E4F1: variants seen among roughly 807,000 people sequenced by gnomAD.
The protein encoded by E4F1 is transcription factor E4F1.
E4F1 carries 30 observed loss-of-function variants against 72.9 expected under a neutral mutation model. That is an observed-to-expected ratio of 0.41 (90% CI 0.31 to 0.56). The LOEUF (loss-of-function observed/expected upper bound fraction) is 0.56. Among genes scored for constraint, E4F1 ranks in the 20% least tolerant of loss-of-function variants. The pLI is 0.25. For synonymous variants in E4F1, 542 were observed against 478.2 expected (o/e 1.13, Z -1.74); for missense variants, 1,091 against 1,117.5 (o/e 0.98, Z 0.34).
chr16:2,227,507 G>T (rs919395893), intron 1 of E4F1, among the ~76,000 whole-genome samples: 3 of 152,142 alleles, frequency 2.0e-5, no homozygotes, highest in Non-Finnish European at 4.4e-5. Flanking sequence ...GAGTAGCTGG[G>T]ACTATAGGCA....
At position 2,235,466 on chromosome 16, in the gene E4F1, CTG is replaced by C. The variant is rs762224938; in HGVS notation, c.2252_2253del (p.Val751AspfsTer36). 1 of 1,612,602 alleles carries C rather than the reference CTG, an allele frequency of 6.2e-7. No homozygotes were observed. The highest frequency in any genetic ancestry group is 8.5e-7 in the Non-Finnish European group (1 of 1,179,802). The stretch of plus-strand genomic sequence containing the variant: ...GGGACAAGTGGCACTGAACAGGCCA[CTG>C]TGACCATGGTGTCATCAGAGGACAT... On this transcript the variant is annotated frameshift_variant, in exon 14 of 14. Coordinates refer to ENST00000301727, the MANE Select transcript of E4F1 (RefSeq NM_004424.5). LOFTEE classifies it high-confidence loss of function.
rs767227504 is a variant in E4F1, at chr16:2,233,561, C to T, written c.1180C>T (p.Pro394Ser). Residue 394 changes from proline to serine, a missense_variant, in exon 8 of 14, where the codon CCA (proline) becomes TCA (serine). This residue lies in a region of E4F1 where 622 missense variants were observed against 628.0 expected (regional missense o/e 0.99). Coordinates refer to ENST00000301727, the MANE Select transcript of E4F1 (RefSeq NM_004424.5). ...RAAGEEGALEPAPAAGSSPQP... is the reference protein window; with the variant it reads ...RAAGEEGALESAPAAGSSPQP... ...TGCTGGGGAGGAGGGTGCCCTGGAGCCAGCTCCTGCTGCCGGGTCCAGTCC... is the reference window on the plus strand; with the variant it reads ...TGCTGGGGAGGAGGGTGCCCTGGAGTCAGCTCCTGCTGCCGGGTCCAGTCC... 3 of 1,510,170 alleles carry T rather than the reference C, an allele frequency of 2.0e-6. No homozygotes were observed. The highest frequency in any genetic ancestry group is 1.4e-5 in the African/African-American group (1 of 72,518). The allele number at this position is 1,510,170 out of a possible 1,614,324, so 93.5% of individuals were successfully genotyped here.
intron 1 of E4F1, among the ~76,000 whole-genome samples, chr16:2,224,549 GGAGGTCGAGACGGGCGGGTCAC>G (rs1283319518): frequency 6.6e-6 from 1 of 152,188 alleles, no homozygotes; most frequent in African/African-American, 2.4e-5. Context: ...CAGCACTTTG[GGAGGTCGAGACGGGCGGGTCAC>G]GAGGTCAGGA....
At position 2,232,501 on chromosome 16, in the gene E4F1, GACC is replaced by G. The variant is rs2093473712; in HGVS notation, c.658_660del (p.His220del). 1 of 1,611,816 alleles carries G rather than the reference GACC, an allele frequency of 6.2e-7. No homozygotes were observed. Among genetic ancestry groups the G allele is most frequent in the Non-Finnish European group, 8.5e-7 (1 of 1,179,496 alleles). ...CATGGTCACTCACAGCAGCCGCAAG[GACC>G]ACGAGTGCAAGCTCTGTGGGGCCTC... On this transcript the variant is annotated inframe_deletion, in exon 5 of 14. Coordinates refer to ENST00000301727, the MANE Select transcript of E4F1 (RefSeq NM_004424.5).
chr16:2,223,596 C>T lies in E4F1; in HGVS notation c.-18C>T, dbSNP rs1418513196. 1.9e-6 allele frequency: 3 copies of T among 1,583,136 alleles called. No homozygotes were observed. In the South Asian group the frequency reaches 3.4e-5, roughly 18 times the overall value. On this transcript the variant is annotated 5_prime_UTR_variant, in exon 1 of 14. Transcript: ENST00000301727. ...GACATGGTCGTAAATCCGCCATCTTCCTGCGGCGCGTTGCGACATGGAGGG... is the reference window on the plus strand; with the variant it reads ...GACATGGTCGTAAATCCGCCATCTTTCTGCGGCGCGTTGCGACATGGAGGG...
chr16:2,223,861 C>G (rs1428678575), intron 1 of E4F1, 91 bp downstream of exon 1: 22 of 1,531,180 alleles, frequency 1.4e-5, no homozygotes, highest in Non-Finnish European at 1.9e-5. Context: ...GCGGGCTCGA[C>G]CGACCCTCCC....
In E4F1 at chr16:2,234,339, A is replaced by G. The variant is rs888829846; in HGVS notation, c.1544A>G (p.Asp515Gly). 1 of 1,612,866 alleles carries G rather than the reference A, an allele frequency of 6.2e-7. No individual in the cohort carries two copies. Among genetic ancestry groups the G allele is most frequent in the East Asian group, 2.2e-5 (1 of 44,898 alleles). Residue 515 changes from aspartate (D) to glycine (G), a missense_variant, in exon 10 of 14, where the codon GAC (aspartate) becomes GGC (glycine). By Grantham distance (94) the Asp-to-Gly change is moderately conservative. This residue lies in a region of E4F1 where 622 missense variants were observed against 628.0 expected (regional missense o/e 0.99). Coordinates refer to ENST00000301727, the MANE Select transcript of E4F1 (RefSeq NM_004424.5). ...HVRGHRRVHSDERPYPCPKCG... is the reference protein window; with the variant it reads ...HVRGHRRVHSGERPYPCPKCG... ...CGTGGCCACCGGCGCGTCCACTCAG[A>G]CGAGCGGCCCTACCCTTGTCCCAAG... is the stretch of plus-strand genomic sequence containing the variant.
At position 2,233,607 on chromosome 16, in the gene E4F1, C is replaced by A; in HGVS notation, c.1226C>A (p.Ala409Asp). 1 of 1,509,710 alleles carries A rather than the reference C, an allele frequency of 6.6e-7. No homozygotes were observed. The allele number at this position is 1,509,710 out of a possible 1,614,324, so 93.5% of individuals were successfully genotyped here. A position where few individuals can be genotyped will look rare whatever the true frequency, so the allele number is the denominator to read the frequency against. Residue 409 changes from alanine to aspartate, a missense_variant, in exon 8 of 14, where the codon GCC (alanine) becomes GAC (aspartate). Coordinates refer to ENST00000301727, the MANE Select transcript of E4F1 (RefSeq NM_004424.5). Reference protein sequence around the residue: ...GSSPQPLAVAAPQLPVLEVQP... With the variant: ...GSSPQPLAVADPQLPVLEVQP... The stretch of plus-strand genomic sequence containing the variant: ...AGTCCCCAGCCCCTGGCAGTGGCAG[C>A]CCCGCAGCTGCCGGTACTGGAAGTG...
chr16:2,232,069 G>A, intron 3 of E4F1, 102 bp from the exon 4 acceptor site: 6 of 1,470,146 alleles, frequency 4.1e-6, no homozygotes, highest in Non-Finnish European at 5.5e-6. Flanking sequence ...TTGGGTCCAG[G>A]GTGTGGCTCA....
chr16:2,227,716 G>A (rs1281987946), intron 1 of E4F1, among the ~76,000 whole-genome samples: 2 of 151,870 alleles, frequency 1.3e-5, no homozygotes, highest in Non-Finnish European at 2.9e-5. Flanking sequence ...GGTCAGGCTG[G>A]TCTCGAACTC....
Position 2,234,622 on chromosome 16 carries a change from A to C in E4F1, c.1633A>C (p.Lys545Gln). ...GCACTTCAGGACACACCTGGAGGAG[A>C]AGCCGCACGTGTGCCAGTTCTGCAG... Reference protein sequence around the residue: ...QVHFRTHLEEKPHVCQFCSRG... With the variant: ...QVHFRTHLEEQPHVCQFCSRG... Residue 545 changes from lysine (K) to glutamine (Q), a missense_variant, in exon 11 of 14, where the codon AAG (lysine) becomes CAG (glutamine). Transcript: ENST00000301727. 6.2e-7 allele frequency: 1 copy of C among 1,601,038 alleles called. No individual in the cohort carries two copies. Among genetic ancestry groups the C allele is most frequent in the Non-Finnish European group, 8.5e-7 (1 of 1,174,364 alleles).
At position 2,235,464 on chromosome 16, in the gene E4F1, C is replaced by T. The variant is rs2093502470; in HGVS notation, c.2247C>T (p.Ala749=). 2 of 1,612,466 alleles carry T rather than the reference C, an allele frequency of 1.2e-6. No homozygotes were observed. Among genetic ancestry groups the T allele is most frequent in the Non-Finnish European group, 1.7e-6 (2 of 1,179,808 alleles). Residue 749 remains alanine, a synonymous_variant, in exon 14 of 14, where the codon GCC becomes GCT. Transcript: ENST00000301727. ...CAGGGACAAGTGGCACTGAACAGGCCACTGTGACCATGGTGTCATCAGAGG... is the reference window on the plus strand; with the variant it reads ...CAGGGACAAGTGGCACTGAACAGGCTACTGTGACCATGGTGTCATCAGAGG... ...ARAGTSGTEQ[A]TVTMVSSEDI...
At position 2,228,539 on chromosome 16, in the gene E4F1, C is replaced by T. The variant is rs1438177791; in HGVS notation, c.309+16C>T. Reference sequence around the variant, plus strand: ...GGGCCAGGAGGTGAGCCCTCACCCACTCCCCCATCCCCTCCCGGGTTCACC... The same window carrying T: ...GGGCCAGGAGGTGAGCCCTCACCCATTCCCCCATCCCCTCCCGGGTTCACC... On this transcript the variant is annotated intron_variant, in intron 2 of 13. Transcript: ENST00000301727. 3 of 1,607,982 alleles carry T rather than the reference C, an allele frequency of 1.9e-6. No individual in the cohort carries two copies. The highest frequency in any genetic ancestry group is 2.2e-5 in the South Asian group (2 of 90,900).
chr16:2,235,474 A>G lies in E4F1; in HGVS notation c.2257A>G (p.Met753Val), dbSNP rs2141480255. The change falls in exon 14 of 14, where the codon ATG (methionine) becomes GTG (valine). Residue 753 changes from methionine to valine, a missense_variant. Met to Val is a conservative substitution (Grantham distance 21, BLOSUM62 1). Transcript: ENST00000301727. The part of the protein sequence containing the change: ...TSGTEQATVT[M>V]VSSEDIEILE... ...TGGCACTGAACAGGCCACTGTGACC[A>G]TGGTGTCATCAGAGGACATCGAGAT... The G allele has an allele frequency of 1.2e-6, 2 of 1,612,458 alleles. No homozygotes were observed. The highest frequency in any genetic ancestry group is 1.7e-6 in the Non-Finnish European group (2 of 1,179,730).
In E4F1 at chr16:2,233,461, C is replaced by T; in HGVS notation, c.1080C>T (p.Pro360=). The change falls in exon 8 of 14, where the codon CCC becomes CCT. Residue 360 remains proline (P), a synonymous_variant. Coordinates refer to ENST00000301727, the MANE Select transcript of E4F1 (RefSeq NM_004424.5). ...APEPPVSQEL[P]CSSEGSRENL... ...AGCCCCCCGTCTCCCAGGAGCTCCCCTGCTCCAGCGAGGGCAGCCGTGAGA... is the reference window on the plus strand; with the variant it reads ...AGCCCCCCGTCTCCCAGGAGCTCCCTTGCTCCAGCGAGGGCAGCCGTGAGA... 6.6e-7 allele frequency: 1 copy of T among 1,507,322 alleles called. No homozygotes were observed. The highest frequency in any genetic ancestry group is 1.8e-4 in the Middle Eastern group (1 of 5,534). The allele number at this position is 1,507,322 out of a possible 1,614,324, so 93.4% of individuals were successfully genotyped here. A position where few individuals can be genotyped will look rare whatever the true frequency, so the allele number is the denominator to read the frequency against.
chr16:2,235,331 C>T lies in E4F1; in HGVS notation c.2114C>T (p.Ala705Val), dbSNP rs201928284. The T allele has an allele frequency of 2.9e-5, 46 of 1,609,164 alleles. No homozygotes were observed. Among genetic ancestry groups the T allele is most frequent in the Non-Finnish European group, 3.7e-5 (44 of 1,179,676 alleles). ...GAGGAGACGGCGCTGGGCCCAGAGGCGGCTGCCGCCGACACCATCACCATC... is the reference window on the plus strand; with the variant it reads ...GAGGAGACGGCGCTGGGCCCAGAGGTGGCTGCCGCCGACACCATCACCATC... Reference protein sequence around the residue: ...MDEETALGPEAAAADTITIAT... With the variant: ...MDEETALGPEVAAADTITIAT... The change falls in exon 14 of 14, where the codon GCG becomes GTG. Residue 705 changes from alanine to valine, a missense_variant. Transcript: ENST00000301727.
chr16:2,227,833 T>TC (rs2093441527), intron 1 of E4F1, among the ~76,000 whole-genome samples: 1 of 151,418 alleles, frequency 6.6e-6, no homozygotes, highest in Non-Finnish European at 1.5e-5. Context: ...AAACTTTTTT[T>TC]TTTTTTTTTT....
At chr16:2,234,098 C>G (rs1256654357) in intron 9 of E4F1, 73 bp from the exon 10 acceptor site, 2 of 1,574,036 alleles carry the variant, frequency 1.3e-6, no homozygotes, top group African/African-American at 2.7e-5. Context: ...GCCAGGGGAT[C>G]TGTGGGCAGG....
At chr16:2,229,806 G>A in intron 3 of E4F1, 131 bp downstream of exon 3, 1 of 955,904 alleles carries the variant, frequency 1.0e-6, no homozygotes, top group Non-Finnish European at 1.6e-6. Flanking sequence ...CGGCCTCGTG[G>A]CAGCCTTTCT....
Sources: gnomAD v4.1 joint callset for allele counts (sites outside exome capture counted in the v4.1 genomes callset) on GRCh38, gnomAD v4.1.1 for gene constraint, gnomAD v4.1.1 regional missense constraint, MANE v1.5 for transcripts, NCBI Gene and HGNC (gene_info 2026-07-23, HGNC 2026-07-21) for gene names.